UPP1: variants seen among roughly 807,000 people sequenced by gnomAD.
UPP1 encodes uridine phosphorylase 1.
UPP1 carries 25 observed loss-of-function variants against 29.6 expected under a neutral mutation model. The observed-to-expected ratio is 0.85, with a 90% CI of 0.62 to 1.18. The LOEUF (loss-of-function observed/expected upper bound fraction) is 1.18. Ranked by LOEUF, UPP1 falls within the 50% of genes most tolerant of loss-of-function variation. UPP1 has a pLI of 0.00. For synonymous variants in UPP1, 165 were observed against 159.8 expected (o/e 1.03, Z -0.25); for missense variants, 368 against 410.4 (o/e 0.90, Z 0.89).
intron 7 of UPP1, 23 bp from the exon 8 acceptor site, chr7:48,107,338 T>G: frequency 6.3e-7 from 1 of 1,597,610 alleles, no homozygotes; most frequent in South Asian, 1.1e-5. Flanking sequence ...CATGTGGTTC[T>G]CATGTCTCCA....
intron 3 of UPP1, 59 bp downstream of exon 3, chr7:48,094,886 A>G: frequency 2.5e-6 from 4 of 1,575,166 alleles, no homozygotes; most frequent in Non-Finnish European, 2.6e-6. Flanking sequence ...TATAGAGCAT[A>G]TGTTGTGCCA....
rs750675961 is a variant in UPP1 at position 48,108,190 on chromosome 7, G to C, written c.794-28G>C. The C allele has an allele frequency of 2.5e-6, 4 of 1,600,306 alleles. No homozygotes were observed. In the East Asian group the frequency reaches 9.0e-5, roughly 36 times the overall value. ...TGAAATGTTAGACCCCCGGCACCTT[G>C]CCTTGATGTGGTCTTTGTCCTTTGC... is the stretch of plus-strand genomic sequence containing the variant. On this transcript the variant is annotated intron_variant, in intron 8 of 8. Coordinates refer to ENST00000395564, the MANE Select transcript of UPP1 (RefSeq NM_003364.4).
intron 3 of UPP1, among the ~76,000 whole-genome samples, chr7:48,098,569 AC>A (rs1792247405): frequency 6.6e-6 from 1 of 152,140 alleles, no homozygotes; most frequent in Non-Finnish European, 1.5e-5. Context: ...GAGAGAATGG[AC>A]AATGTCTGTG....
chr7:48,107,279 T>A (rs1792808589), intron 7 of UPP1, 82 bp from the exon 8 acceptor site: 2 of 1,531,076 alleles, frequency 1.3e-6, no homozygotes, highest in Admixed American at 3.7e-5. Flanking sequence ...TGTCCCTGTG[T>A]CCTTCTGGGC....
rs2128819657 is a variant in UPP1, at chr7:48,108,632, C to T, written c.*275C>T. ...ACTATTTCTAGGGAAATTTTTCAGA[C>T]TTTAAAATTCTAATGGTAGTCAGAT... On this transcript the variant is annotated 3_prime_UTR_variant, in exon 9 of 9. Coordinates refer to ENST00000395564, the MANE Select transcript of UPP1 (RefSeq NM_003364.4). The T allele has an allele frequency of 3.5e-6, 1 of 286,388 alleles. No homozygotes were observed. The highest frequency in any genetic ancestry group is 5.2e-5 in the Admixed American group (1 of 19,126). The allele number at this position is 286,388 out of a possible 1,614,324, so 17.7% of individuals were successfully genotyped here.
At chr7:48,108,153 A>T (rs923562994) in intron 8 of UPP1, 65 bp from the exon 9 acceptor site, 2 of 1,571,682 alleles carry the variant, frequency 1.3e-6, no homozygotes, top group African/African-American at 1.4e-5. Flanking sequence ...TGGGTTCTTC[A>T]TCCCGTCCCT....
intron 2 of UPP1, among the ~76,000 whole-genome samples, chr7:48,093,138 T>C (rs1282819803): frequency 6.6e-6 from 1 of 152,168 alleles, no homozygotes; most frequent in Admixed American, 6.5e-5. Context: ...GTTGTGTAAA[T>C]GCTAAGGGAG....
intron 6 of UPP1, 71 bp downstream of exon 6, chr7:48,103,482 C>T (rs1483874860): frequency 1.5e-6 from 2 of 1,291,348 alleles, no homozygotes; most frequent in South Asian, 1.2e-5. Context: ...GCAGCTTCTA[C>T]ATGGTGTGGC....
intron 6 of UPP1, chr7:48,104,746 G>A (rs1468244322): frequency 1.3e-5 from 2 of 152,232 alleles, no homozygotes; most frequent in African/African-American, 2.4e-5. Flanking sequence ...CAACGGCCAT[G>A]AGCTGTCTCG....
At chr7:48,103,496 A>G (rs913110344) in intron 6 of UPP1, 85 bp downstream of exon 6, 3 of 1,177,840 alleles carry the variant, frequency 2.5e-6, no homozygotes, top group Non-Finnish European at 3.8e-6. Context: ...GTGTGGCATT[A>G]GAGACAAAGA....
intron 5 of UPP1, among the ~76,000 whole-genome samples, chr7:48,102,790 G>T (rs1792505152): frequency 6.6e-6 from 1 of 152,130 alleles, no homozygotes; most frequent in Admixed American, 6.5e-5. Flanking sequence ...AGGAGAAGGA[G>T]GTATGCAGAG....
At chr7:48,092,145 C>A (rs564940877) in intron 2 of UPP1, among the ~76,000 whole-genome samples, 1 of 152,084 alleles carries the variant, frequency 6.6e-6, no homozygotes, top group Non-Finnish European at 1.5e-5. Flanking sequence ...CTCCCTACCC[C>A]TAAAGACAAA....
chr7:48,107,227 G>C, intron 7 of UPP1, 134 bp from the exon 8 acceptor site: 7 of 1,397,702 alleles, frequency 5.0e-6, no homozygotes, highest in South Asian at 3.9e-5. Context: ...ATAATGACCC[G>C]TTTGAGTGGT....
chr7:48,099,673 T>G lies in UPP1; in HGVS notation c.48T>G (p.Asp16Glu). The change falls in exon 4 of 9, where the codon GAT (aspartate) becomes GAG (glutamate). Residue 16 changes from aspartate (D) to glutamate (E), a missense_variant. By Grantham distance (45) the Asp-to-Glu change is conservative (BLOSUM62 2). Transcript: ENST00000395564. ...CCACTTTCTTGTTTTTTAACAGTGA[T>G]TGCCCCGTCAGACTTTTAAATCCAA... ...ANAEKAESHN[D>E]CPVRLLNPNI... The G allele has an allele frequency of 6.2e-7, 1 of 1,607,466 alleles. No homozygotes were observed. Among genetic ancestry groups the G allele is most frequent in the Non-Finnish European group, 8.5e-7 (1 of 1,174,096 alleles).
intron 3 of UPP1, 135 bp downstream of exon 3, chr7:48,094,962 G>A: frequency 9.0e-7 from 1 of 1,116,750 alleles, no homozygotes. Flanking sequence ...CTGAGGCCTG[G>A]AGGGATTAAT....
intron 6 of UPP1, chr7:48,104,696 T>A (rs899699064): frequency 6.6e-6 from 1 of 152,256 alleles, no homozygotes; most frequent in Non-Finnish European, 1.5e-5. Flanking sequence ...TGTATGACTG[T>A]AATTCCAAGT....
At chr7:48,094,676 A>C in intron 2 of UPP1, 87 bp from the exon 3 acceptor site, 1 of 1,169,182 alleles carries the variant, frequency 8.6e-7, no homozygotes, top group African/African-American at 1.5e-5. Flanking sequence ...ACTTCATTGC[A>C]CTGACTTTCT....
In UPP1 at chr7:48,107,591, T is replaced by G. The variant is rs1792836325; in HGVS notation, c.793+84T>G. Reference sequence around the variant, plus strand: ...AGCCCCTCGCTGGGGCCCCTCCTCCTGGGGCACCCCGATACCCATTTCTGG... The same window carrying G: ...AGCCCCTCGCTGGGGCCCCTCCTCCGGGGGCACCCCGATACCCATTTCTGG... On this transcript the variant is annotated intron_variant, in intron 8 of 8. Transcript: ENST00000395564. 6 of 1,470,828 alleles carry G rather than the reference T, an allele frequency of 4.1e-6. No homozygotes were observed. In the South Asian group the frequency reaches 5.4e-5, roughly 13 times the overall value. 91.1% of individuals were successfully genotyped at this position (1,470,828 alleles called of 1,614,324 possible).
At position 48,106,891 on chromosome 7, in the gene UPP1, T is replaced by A. The variant is rs775756099; in HGVS notation, c.455T>A (p.Val152Glu). 1 of 1,613,666 alleles carries A rather than the reference T, an allele frequency of 6.2e-7. No homozygotes were observed. The highest frequency in any genetic ancestry group is 1.7e-5 in the Admixed American group (1 of 59,996). The part of the protein sequence containing the change: ...SGGIGLEPGT[V>E]VITEQAVDTC... ...TCCTCAGGTCTGGAGCCCGGCACTG[T>A]GGTCATAACAGAGCAGGCAGTGGAT... Residue 152 changes from valine (V) to glutamate (E), a missense_variant, in exon 7 of 9, where the codon GTG becomes GAG. Transcript: ENST00000395564.
Sources: gnomAD v4.1 joint callset for allele counts (sites outside exome capture counted in the v4.1 genomes callset) on GRCh38, gnomAD v4.1.1 for gene constraint, MANE v1.5 for transcripts, NCBI Gene and HGNC (gene_info 2026-07-23, HGNC 2026-07-21) for gene names.